The following LRP12 variants were observed in gnomAD, a reference collection of about 807,000 sequenced individuals.
LRP12 encodes the protein LDL receptor related protein 12, also known as low-density lipoprotein receptor-related protein 12.
LRP12 carries 14 observed loss-of-function variants against 66.0 expected under a neutral mutation model. The observed-to-expected ratio is 0.21, with a 90% CI of 0.14 to 0.33. The LOEUF (loss-of-function observed/expected upper bound fraction) is 0.33. Ranked by LOEUF, LRP12 falls within the 10% of genes least tolerant of loss-of-function variation. The pLI, the probability that LRP12 is intolerant of heterozygous loss-of-function variation, is 1.00. For synonymous variants in LRP12, 357 were observed against 359.1 expected (o/e 0.99, Z 0.07); for missense variants, 889 against 1,053.4 (o/e 0.84, Z 2.16).
At chr8:104,534,670 T>C (rs968880120) in intron 1 of LRP12, among the ~76,000 whole-genome samples, 5 of 152,022 alleles carry the variant, frequency 3.3e-5, no homozygotes, top group African/African-American at 1.2e-4. Context: ...AAAACAATAC[T>C]ATTTAGAAGT....
chr8:104,523,463 CATACT>C (rs1811180263), intron 2 of LRP12, among the ~76,000 whole-genome samples: 1 of 152,098 alleles, frequency 6.6e-6, no homozygotes, highest in Non-Finnish European at 1.5e-5. Context: ...AATTATATGA[CATACT>C]ATACAACTAA....
chr8:104,507,209 T>C (rs1254405358), intron 3 of LRP12: 1 of 152,226 alleles, frequency 6.6e-6, no homozygotes, highest in Non-Finnish European at 1.5e-5. Flanking sequence ...TTTTTAAAGT[T>C]ATGGTATTAC....
chr8:104,551,472 T>A (rs75359745), intron 1 of LRP12, among the ~76,000 whole-genome samples: 1 of 152,136 alleles, frequency 6.6e-6, no homozygotes, highest in Non-Finnish European at 1.5e-5. Context: ...ATCACCCAGA[T>A]AGTGAGCATA....
At position 104,491,026 on chromosome 8, in the gene LRP12, T is replaced by C. The variant is rs186390684; in HGVS notation, c.2227A>G (p.Thr743Ala). Residue 743 changes from threonine (T) to alanine (A), a missense_variant, in exon 7 of 7, where the codon ACA (threonine) becomes GCA (alanine). This residue lies in a region of LRP12 where 800 missense variants were observed against 964.5 expected (regional missense o/e 0.83). Transcript: ENST00000276654. ...MTQGLRWVRF[T>A]LGRSSSLSQN... Reference sequence around the variant, plus strand: ...CTTAGGGAACTTGATCGTCCTAATGTAAAACGTACCCAGCGTAGCCCCTGA... The same window carrying C: ...CTTAGGGAACTTGATCGTCCTAATGCAAAACGTACCCAGCGTAGCCCCTGA... 3.1e-6 allele frequency: 5 copies of C among 1,614,140 alleles called. No homozygotes were observed. Among genetic ancestry groups the C allele is most frequent in the Middle Eastern group, 1.6e-4 (1 of 6,062 alleles).
At position 104,495,005 on chromosome 8, in the gene LRP12, G is replaced by A. The variant is rs1438283564; in HGVS notation, c.1713+72C>T. 5 of 1,398,296 alleles carry A rather than the reference G, an allele frequency of 3.6e-6. No individual in the cohort carries two copies. In the African/African-American group the frequency reaches 7.2e-5, roughly 20 times the overall value. The allele number at this position is 1,398,296 out of a possible 1,614,324, so 86.6% of individuals were successfully genotyped here. On this transcript the variant is annotated intron_variant, in intron 6 of 6. Transcript: ENST00000276654. ...AAAATTCTGACAGTCAAGGGTCTTT[G>A]CTTTATCATATATACAGGCGCAGAT...
intron 1 of LRP12, among the ~76,000 whole-genome samples, chr8:104,564,934 GA>G (rs34125830): frequency 0.2 from 26,271 of 130,354 alleles, 2,745 homozygotes; most frequent in African/African-American, 0.31. Context: ...CTCTGTCAAA[GA>G]AAAAAAAAAA....
At chr8:104,533,590 T>C (rs16871547) in intron 1 of LRP12, among the ~76,000 whole-genome samples, 6,511 of 152,212 alleles carry the variant, frequency 0.043, 450 homozygotes, top group African/African-American at 0.15. Context: ...ATATTATACA[T>C]TGCTACAAAT....
intron 1 of LRP12, among the ~76,000 whole-genome samples, chr8:104,575,886 G>A (rs547137513): frequency 5.3e-5 from 8 of 152,168 alleles, no homozygotes; most frequent in South Asian, 2.1e-4. Context: ...ATAAAACAAC[G>A]CTGGAACTGA....
intron 3 of LRP12, chr8:104,506,508 A>T (rs1379753780): frequency 6.6e-6 from 1 of 152,100 alleles, no homozygotes; most frequent in East Asian, 1.9e-4. Flanking sequence ...ACATTCCAGA[A>T]CAAGTCTTAA....
At chr8:104,511,205 A>C (rs112220749) in intron 2 of LRP12, among the ~76,000 whole-genome samples, 2,559 of 151,700 alleles carry the variant, frequency 0.017, 71 homozygotes, top group African/African-American at 0.058. Context: ...TACCACACCC[A>C]GCTAATTTTT....
rs759480181 is a variant in LRP12 at position 104,491,428 on chromosome 8, A to C, written c.1825T>G (p.Phe609Val). The C allele has an allele frequency of 6.2e-7, 1 of 1,614,124 alleles. No individual in the cohort carries two copies. The highest frequency in any genetic ancestry group is 1.3e-5 in the African/African-American group (1 of 75,026). The change falls in exon 7 of 7, where the codon TTT (phenylalanine) becomes GTT (valine). Residue 609 changes from phenylalanine to valine, a missense_variant. By Grantham distance (50) the Phe-to-Val change is conservative. Around this residue, in one of 3 missense-constraint regions of LRP12, gnomAD observed 800 missense variants for 964.5 expected, o/e 0.83. Transcript: ENST00000276654. ...GACCCAGAATGACGTGATCTTGCAAAATTAAAAATACGGTTCCAAATGTTG... is the reference window on the plus strand; with the variant it reads ...GACCCAGAATGACGTGATCTTGCAACATTAAAAATACGGTTCCAAATGTTG... ...SSNIWNRIFN[F>V]ARSRHSGSLA...
At chr8:104,534,676 G>A (rs1811370356) in intron 1 of LRP12, among the ~76,000 whole-genome samples, 1 of 151,718 alleles carries the variant, frequency 6.6e-6, no homozygotes, top group Admixed American at 6.6e-5. Flanking sequence ...ATACTATTTA[G>A]AAGTTAAAAG....
chr8:104,568,684 C>G (rs908033721), intron 1 of LRP12, among the ~76,000 whole-genome samples: 1 of 152,108 alleles, frequency 6.6e-6, no homozygotes, highest in Non-Finnish European at 1.5e-5. Context: ...AGAACCTCAA[C>G]ATCAGTACCC....
rs375941452 is a variant in LRP12, at chr8:104,522,403, A to T, written c.136+9504T>A. On this transcript the variant is annotated intron_variant, in intron 2 of 6. Transcript: ENST00000276654. Reference sequence around the variant, plus strand: ...ATAAAATTCTGACAGCATAAACAATACTTCAAAACTATCTGAAGTCTATTT... The same window carrying T: ...ATAAAATTCTGACAGCATAAACAATTCTTCAAAACTATCTGAAGTCTATTT... Among the ~76,000 whole-genome samples the T allele has an allele frequency of 1.5e-4, 23 of 152,248 alleles. No individual in the cohort carries two copies. In the East Asian group the frequency reaches 3.1e-3, roughly 20 times the overall value.
intron 1 of LRP12, among the ~76,000 whole-genome samples, chr8:104,551,800 T>G (rs1229005021): frequency 6.6e-6 from 1 of 152,182 alleles, no homozygotes; most frequent in Non-Finnish European, 1.5e-5. Context: ...CTTCTCCCCT[T>G]CTTTCTTCTC....
At chr8:104,584,471 T>G (rs1812301247) in intron 1 of LRP12, among the ~76,000 whole-genome samples, 1 of 152,162 alleles carries the variant, frequency 6.6e-6, no homozygotes, top group African/African-American at 2.4e-5. Flanking sequence ...TTAAATTTTC[T>G]AATTACAAAA....
intron 1 of LRP12, among the ~76,000 whole-genome samples, chr8:104,572,037 T>C (rs1812086666): frequency 6.6e-6 from 1 of 152,246 alleles, no homozygotes. Flanking sequence ...TGTCCTTCAA[T>C]AGGTGAACTG....
chr8:104,499,644 C>T, intron 3 of LRP12, 125 bp from the exon 4 acceptor site: 1 of 599,024 alleles, frequency 1.7e-6, no homozygotes, highest in South Asian at 2.2e-5. Context: ...GTTTTCTAGG[C>T]ATACAACCGT....
chr8:104,527,224 A>G (rs1307258569), intron 2 of LRP12, among the ~76,000 whole-genome samples: 2 of 143,662 alleles, frequency 1.4e-5, no homozygotes, highest in South Asian at 2.2e-4. Flanking sequence ...ACACTTTTAC[A>G]CTGTTGGTGG....
Sources: allele counts gnomAD v4.1 joint callset (sites outside exome capture counted in the v4.1 genomes callset), GRCh38; gene constraint gnomAD v4.1.1; regional missense constraint gnomAD v4.1.1; transcripts MANE v1.5; gene names NCBI Gene and HGNC (gene_info 2026-07-23, HGNC 2026-07-21).